SLC35F5: variants seen among roughly 807,000 people sequenced by gnomAD.
SLC35F5 encodes the protein HCV NS5A-transactivated protein 3.
SLC35F5 carries 54 observed loss-of-function variants against 68.6 expected under a neutral mutation model. That is an observed-to-expected ratio of 0.79 (90% confidence interval 0.63 to 0.99). The LOEUF is 0.99. SLC35F5 is among the 50% of genes least tolerant of loss of function. The pLI, the probability that SLC35F5 is intolerant of heterozygous loss-of-function variation, is 0.00. For synonymous variants in SLC35F5, 211 were observed against 205.2 expected, an observed-to-expected ratio of 1.03 and a Z score of -0.24; for missense variants, 567 against 626.9, an observed-to-expected ratio of 0.90 and a Z score of 1.02.
chr2:113,723,238 C>A (rs969143345), intron 12 of SLC35F5, 44 bp from the exon 13 acceptor site: 8 of 1,417,958 alleles, frequency 5.6e-6, no homozygotes, highest in Non-Finnish European at 7.6e-6. Flanking sequence ...AAAAATTAAA[C>A]CAAAGAAAAA....
chr2:113,751,118 C>G (rs1010341195), intron 3 of SLC35F5, among the ~76,000 whole-genome samples: 1 of 152,138 alleles, frequency 6.6e-6, no homozygotes, highest in Non-Finnish European at 1.5e-5. Flanking sequence ...TGCACTCCAG[C>G]CTGGGCAACA....
intron 9 of SLC35F5, among the ~76,000 whole-genome samples, chr2:113,733,716 C>T (rs1687982453): frequency 6.6e-6 from 1 of 152,202 alleles, no homozygotes; most frequent in South Asian, 2.1e-4. Flanking sequence ...CACTTCATAG[C>T]TATTACCACT....
rs1559318219 is a variant in SLC35F5, at chr2:113,718,917, GAAAGAAAGAAAAAGA to G, written c.1496+222_1496+236del. On this transcript the variant is annotated intron_variant, in intron 14 of 15. Coordinates refer to ENST00000245680, the MANE Select transcript of SLC35F5 (RefSeq NM_025181.5). ...AGAAAGAAAGAAAGAAAGAAAGAAA[GAAAGAAAGAAAAAGA>G]AAGGAAGAAAGGAAGGAAGGAAGAA... 1.2e-3 allele frequency among the ~76,000 whole-genome samples: 93 copies of G among 75,554 alleles called. 3 individuals are homozygous for G. The highest frequency in any genetic ancestry group is 2.6e-3 in the Non-Finnish European group (74 of 28,478). 49.6% of individuals were successfully genotyped at this position (75,554 alleles called of 152,430 possible).
At position 113,750,512 on chromosome 2, in the gene SLC35F5, CATAGATGTTTTTGCA is replaced by C. The variant is rs1430432768; in HGVS notation, c.315_329del (p.Phe105_Met110delinsLeu). On this transcript the variant is annotated inframe_deletion, in exon 4 of 16. Coordinates refer to ENST00000245680, the MANE Select transcript of SLC35F5 (RefSeq NM_025181.5). ...TAAAGCCCAAAAGGTACAAAACAAA[CATAGATGTTTTTGCA>C]AAGGTGCTGAAGAATGGTTTGTTGT... 6.2e-7 allele frequency: 1 copy of C among 1,613,424 alleles called. No individual in the cohort carries two copies. Among genetic ancestry groups the C allele is most frequent in the Non-Finnish European group, 8.5e-7 (1 of 1,179,648 alleles).
intron 4 of SLC35F5, among the ~76,000 whole-genome samples, chr2:113,746,678 C>A (rs1379326954): frequency 6.6e-6 from 1 of 151,982 alleles, no homozygotes; most frequent in African/African-American, 2.4e-5. Flanking sequence ...GTTAAAAAGG[C>A]AAGTAACAGG....
At chr2:113,738,283 C>A (rs1574248742) in intron 7 of SLC35F5, among the ~76,000 whole-genome samples, 1 of 152,270 alleles carries the variant, frequency 6.6e-6, no homozygotes, top group South Asian at 2.1e-4. Flanking sequence ...CTCTGGCAAC[C>A]ACCATTCTAC....
At chr2:113,742,940 G>A (rs562801631) in intron 6 of SLC35F5, 61 bp from the exon 7 acceptor site, 3 of 1,483,148 alleles carry the variant, frequency 2.0e-6, no homozygotes, top group African/African-American at 1.4e-5. Context: ...AAAGTCACAA[G>A]TTTTAATTTA....
intron 1 of SLC35F5, 92 bp downstream of exon 1, chr2:113,756,278 G>A: frequency 6.5e-7 from 1 of 1,544,340 alleles, no homozygotes; most frequent in Admixed American, 2.0e-5. Context: ...AGGCGCTCCT[G>A]CTGCCACCGA....
intron 11 of SLC35F5, among the ~76,000 whole-genome samples, chr2:113,728,874 T>C (rs1473474693): frequency 6.6e-6 from 1 of 152,190 alleles, no homozygotes; most frequent in African/African-American, 2.4e-5. Context: ...GAAACTATAA[T>C]TGGGTAATTT....
At chr2:113,723,225 T>C in intron 12 of SLC35F5, 31 bp from the exon 13 acceptor site, 1 of 1,405,208 alleles carries the variant, frequency 7.1e-7, no homozygotes, top group South Asian at 1.4e-5. Flanking sequence ...ATTTCTATAT[T>C]TAAAAAATTA....
intron 3 of SLC35F5, among the ~76,000 whole-genome samples, chr2:113,754,227 T>A (rs371454832): frequency 6.6e-6 from 1 of 150,414 alleles, no homozygotes; most frequent in Non-Finnish European, 1.5e-5. Context: ...GAGGCGGAGG[T>A]TGCAGTGAGC....
chr2:113,726,528 C>CTTA (rs1441807387), intron 11 of SLC35F5, among the ~76,000 whole-genome samples: 1 of 152,046 alleles, frequency 6.6e-6, no homozygotes, highest in Non-Finnish European at 1.5e-5. Flanking sequence ...ATAATTGATA[C>CTTA]TTACTATGTC....
At chr2:113,740,151 G>A (rs942373014) in intron 7 of SLC35F5, among the ~76,000 whole-genome samples, 30 of 152,082 alleles carry the variant, frequency 2.0e-4, no homozygotes, top group African/African-American at 6.3e-4. Context: ...ATTGTAATAC[G>A]GTAAAAATTA....
intron 12 of SLC35F5, 147 bp downstream of exon 12, chr2:113,725,231 T>C (rs1687612139): frequency 3.0e-6 from 2 of 655,860 alleles, no homozygotes; most frequent in Non-Finnish European, 5.1e-6. Context: ...ACAAAGTCCC[T>C]GCTCTAGTGG....
intron 15 of SLC35F5, among the ~76,000 whole-genome samples, chr2:113,716,475 T>G (rs753004047): frequency 6.6e-6 from 1 of 152,168 alleles, no homozygotes; most frequent in Non-Finnish European, 1.5e-5. Flanking sequence ...TCCAAAGTTA[T>G]GCAACAACTA....
chr2:113,753,168 CTTTTTTTTTTT>C (rs1173478465), intron 3 of SLC35F5, among the ~76,000 whole-genome samples: 7 of 49,090 alleles, frequency 1.4e-4, no homozygotes, highest in African/African-American at 3.5e-4. Flanking sequence ...GTTTGTTTTT[CTTTTTTTTTTT>C]TTTTTTTTTT....
At chr2:113,751,054 A>G (rs1676717548) in intron 3 of SLC35F5, among the ~76,000 whole-genome samples, 1 of 152,110 alleles carries the variant, frequency 6.6e-6, no homozygotes, top group South Asian at 2.1e-4. Flanking sequence ...CTGAAGCGGG[A>G]GGATCCCCTG....
chr2:113,731,850 C>A (rs1338777917), intron 9 of SLC35F5, among the ~76,000 whole-genome samples: 1 of 152,084 alleles, frequency 6.6e-6, no homozygotes, highest in Non-Finnish European at 1.5e-5. Flanking sequence ...TTAATCCTCA[C>A]AAAATGTACA....
At chr2:113,745,139 C>T (rs2104469241) in intron 5 of SLC35F5, among the ~76,000 whole-genome samples, 1 of 152,298 alleles carries the variant, frequency 6.6e-6, no homozygotes, top group Admixed American at 6.5e-5. Flanking sequence ...TTTGACATAT[C>T]CATCTTACAG....
Sources: allele counts gnomAD v4.1 joint callset (sites outside exome capture counted in the v4.1 genomes callset), GRCh38; gene constraint gnomAD v4.1.1; transcripts MANE v1.5; gene names NCBI Gene and HGNC (gene_info 2026-07-23, HGNC 2026-07-21).